ARSG: variants seen among roughly 807,000 people sequenced by gnomAD.
The protein encoded by ARSG is ASG.
A neutral mutation model predicts 50.5 loss-of-function variants in ARSG; 37 were observed. That is an observed-to-expected ratio of 0.73 (90% CI 0.56 to 0.96). ARSG has a LOEUF of 0.96. ARSG is among the 50% of genes least tolerant of loss of function. ARSG has a pLI of 0.00. For missense variants in ARSG, 629 were observed against 675.3 expected (o/e 0.93, Z 0.76); for synonymous variants, 225 against 254.6 (o/e 0.88, Z 1.11).
intron 1 of ARSG, among the ~76,000 whole-genome samples, chr17:68,300,920 C>T (rs2076390717): frequency 6.6e-6 from 1 of 151,250 alleles, no homozygotes; most frequent in Admixed American, 6.6e-5. Flanking sequence ...AGATCGAGAC[C>T]ATCCTGGCTA....
At chr17:68,276,014 T>G (rs1555750782) in intron 1 of ARSG, among the ~76,000 whole-genome samples, 2 of 150,348 alleles carry the variant, frequency 1.3e-5, no homozygotes, top group Non-Finnish European at 3.0e-5. Flanking sequence ...ATCTTGATAC[T>G]CACTTAAAAT....
rs748963612 is a variant in ARSG at position 68,370,529 on chromosome 17, G to A, written c.982+5G>A. On this transcript the variant is annotated splice_donor_5th_base_variant and intron_variant, in intron 8 of 11. Transcript: ENST00000621439. ...GATTTTGGCAAACTCGTCAAGGTAA[G>A]GGGCTCAGCTGGGGTTGGTGGATCC... The A allele has an allele frequency of 1.1e-5, 18 of 1,613,636 alleles. No individual in the cohort carries two copies. The South Asian group carries it at 1.8e-4, about 16-fold the overall frequency.
chr17:68,319,340 C>G (rs535829583), intron 2 of ARSG, among the ~76,000 whole-genome samples: 1 of 152,152 alleles, frequency 6.6e-6, no homozygotes, highest in Non-Finnish European at 1.5e-5. Flanking sequence ...CATGGTGGGA[C>G]AGGCGACTTT....
chr17:68,275,369 A>G (rs1555750552), intron 1 of ARSG, among the ~76,000 whole-genome samples: 1 of 152,204 alleles, frequency 6.6e-6, no homozygotes, highest in Admixed American at 6.5e-5. Flanking sequence ...GTTAGTCTAT[A>G]TGTATCTACT....
intron 9 of ARSG, among the ~76,000 whole-genome samples, chr17:68,385,822 G>C (rs1179594949): frequency 6.6e-6 from 1 of 152,112 alleles, no homozygotes; most frequent in Admixed American, 6.5e-5. Context: ...AGGTGTCTTA[G>C]GGGTGGCTGT....
intron 8 of ARSG, among the ~76,000 whole-genome samples, chr17:68,379,024 G>A (rs1346345963): frequency 2.6e-5 from 4 of 152,104 alleles, no homozygotes; most frequent in African/African-American, 9.7e-5. Context: ...GACAGGGCCT[G>A]CTGATAGGGA....
chr17:68,377,141 C>T (rs967263971), intron 8 of ARSG, among the ~76,000 whole-genome samples: 5 of 152,152 alleles, frequency 3.3e-5, no homozygotes, highest in East Asian at 1.9e-4. Flanking sequence ...GGATTACAGG[C>T]GTGAGCCACC....
At position 68,370,598 on chromosome 17, in the gene ARSG, C is replaced by T. The variant is rs3744301; in HGVS notation, c.982+74C>T. ...AGGCTGGGGTGTGGGATTCTGCCTC[C>T]GGGTGGGGGACAACTTATATCTGGG... On this transcript the variant is annotated intron_variant, in intron 8 of 11. Transcript: ENST00000621439. The T allele has an allele frequency of 0.061, 84,286 of 1,384,658 alleles. 2,823 individuals carry two copies. The highest frequency in any genetic ancestry group is 0.12 in the African/African-American group (8,444 of 70,226). The allele number at this position is 1,384,658 out of a possible 1,614,324, so 85.8% of individuals were successfully genotyped here.
intron 2 of ARSG, among the ~76,000 whole-genome samples, chr17:68,337,880 G>C (rs1404831267): frequency 2.0e-5 from 3 of 152,116 alleles, no homozygotes. Context: ...GCCTCCCAAA[G>C]TGCTGGGATT....
intron 5 of ARSG, 89 bp from the exon 6 acceptor site, chr17:68,356,578 G>A: frequency 6.9e-7 from 1 of 1,448,798 alleles, no homozygotes; most frequent in Non-Finnish European, 9.6e-7. Flanking sequence ...TTGTATTTAT[G>A]TGCATATGCA....
chr17:68,425,578 G>A (rs2083116465), downstream of ARSG, among the ~76,000 whole-genome samples: 1 of 152,078 alleles, frequency 6.6e-6, no homozygotes, highest in Non-Finnish European at 1.5e-5. Context: ...GCCGGCCAGA[G>A]CTGCAGGTAA....
chr17:68,437,947 TTAAAAAAAAAAA>T, the ARSG span, among the ~76,000 whole-genome samples: 2 of 58,786 alleles, frequency 3.4e-5, no homozygotes, highest in African/African-American at 7.3e-5. Flanking sequence ...GACATCTCTC[TTAAAAAAAAAAA>T]AAAAAAAAAA....
At chr17:68,274,149 C>G in intron 1 of ARSG, 1 of 1,448,320 alleles carries the variant, frequency 6.9e-7, no homozygotes, top group Non-Finnish European at 9.5e-7. Flanking sequence ...TCCTCCACGT[C>G]TTGCACATGG....
intron 1 of ARSG, among the ~76,000 whole-genome samples, chr17:68,300,890 G>C (rs1555761590): frequency 6.6e-6 from 1 of 151,716 alleles, no homozygotes; most frequent in East Asian, 1.9e-4. Flanking sequence ...AGGCCAAGGT[G>C]GGTAGATCAC....
chr17:68,424,298 C>T (rs8080370), downstream of ARSG, among the ~76,000 whole-genome samples: 1,726 of 152,294 alleles, frequency 0.011, 36 homozygotes, highest in African/African-American at 0.04. Flanking sequence ...TGCGACCGAC[C>T]CGCAGAGCCG....
intron 2 of ARSG, among the ~76,000 whole-genome samples, chr17:68,324,232 G>A (rs563465130): frequency 1.3e-5 from 2 of 152,278 alleles, no homozygotes; most frequent in East Asian, 3.9e-4. Context: ...TGTAGCTTGT[G>A]CACAGGAAGA....
chr17:68,276,415 T>C (rs1313918907), intron 1 of ARSG, among the ~76,000 whole-genome samples: 3 of 152,170 alleles, frequency 2.0e-5, no homozygotes, highest in Admixed American at 6.5e-5. Context: ...AGTGTAAACT[T>C]AGGGAAGTTT....
intron 8 of ARSG, among the ~76,000 whole-genome samples, chr17:68,372,292 T>TGATCGATC (rs373632115): frequency 7.2e-6 from 1 of 138,256 alleles, no homozygotes; most frequent in East Asian, 2.6e-4. Flanking sequence ...ATCTATCAAT[T>TGATCGATC]GATCGATCGA....
At chr17:68,310,230 G>T (rs565466720) in intron 2 of ARSG, among the ~76,000 whole-genome samples, 16 of 152,242 alleles carry the variant, frequency 1.1e-4, no homozygotes, top group Admixed American at 7.8e-4. Flanking sequence ...AAAATGCTGG[G>T]ATTACAAGCG....
Sources: gnomAD v4.1 joint callset for allele counts (sites outside exome capture counted in the v4.1 genomes callset) on GRCh38, gnomAD v4.1.1 for gene constraint, MANE v1.5 for transcripts, NCBI Gene and HGNC (gene_info 2026-07-23, HGNC 2026-07-21) for gene names.